Variants in TPTE2 observed in about 807,000 individuals in gnomAD.
The protein encoded by TPTE2 is transmembrane phosphoinositide 3-phosphatase and tensin homolog 2, also known as phosphatidylinositol 3,4,5-trisphosphate 3-phosphatase TPTE2.
Under a neutral mutation model 78.6 loss-of-function variants are expected in TPTE2, and 53 were observed. That is an observed-to-expected ratio of 0.67 (90% CI 0.54 to 0.85). The LOEUF is 0.85. Among genes scored for constraint, TPTE2 ranks in the 40% least tolerant of loss-of-function variants. The pLI is 0.00. For missense variants in TPTE2, 461 were observed against 623.0 expected, an observed-to-expected ratio of 0.74 and a Z score of 2.77; for synonymous variants, 175 against 206.2, an observed-to-expected ratio of 0.85 and a Z score of 1.30.
At chr13:19,532,679 A>T (rs1223627836) in intron 1 of TPTE2, among the ~76,000 whole-genome samples, 1 of 152,228 alleles carries the variant, frequency 6.6e-6, no homozygotes, top group Non-Finnish European at 1.5e-5. Context: ...TGTAGCAATG[A>T]ATCTGTAGCC....
In TPTE2 at chr13:19,464,603, C is replaced by T. The variant is rs1879147460; in HGVS notation, c.677-83G>A. 14 of 1,459,264 alleles carry T rather than the reference C, an allele frequency of 9.6e-6. No individual in the cohort carries two copies. In the South Asian group the frequency reaches 1.6e-4, roughly 16 times the overall value. 90.4% of individuals were successfully genotyped at this position (1,459,264 alleles called of 1,614,324 possible). On this transcript the variant is annotated intron_variant, in intron 9 of 19. Transcript: ENST00000400230. ...AAAAATTAATTTATACATGATCAGA[C>T]TCCATTTTCACAGAAAAAAAACTTT...
chr13:19,466,209 A>C (rs1340973458), intron 7 of TPTE2, among the ~76,000 whole-genome samples: 4 of 152,188 alleles, frequency 2.6e-5, no homozygotes, highest in African/African-American at 7.2e-5. Flanking sequence ...AAGCTTGTTA[A>C]GCTGCAGATT....
At chr13:19,452,118 T>C (rs1471032074) in intron 10 of TPTE2, among the ~76,000 whole-genome samples, 1 of 151,936 alleles carries the variant, frequency 6.6e-6, no homozygotes, top group Non-Finnish European at 1.5e-5. Flanking sequence ...TAGGAGGAAA[T>C]AATAAGTCAA....
rs770225596 is a variant in TPTE2 at position 19,467,304 on chromosome 13, T to C, written c.433A>G (p.Thr145Ala). ...AGCAGAGGAATCACAATAATGGCAG[T>C]ATCTAAAATGTTAAATAAGTCAGAA... Residue 145 changes from threonine to alanine, a missense_variant, in exon 7 of 20, where the codon ACT becomes GCT. Transcript: ENST00000400230. 2.5e-6 allele frequency: 4 copies of C among 1,582,456 alleles called. No homozygotes were observed. The South Asian group carries it at 4.7e-5, about 19-fold the overall frequency.
At chr13:19,551,105 G>C in the TPTE2 span, among the ~76,000 whole-genome samples, 4 of 152,134 alleles carry the variant, frequency 2.6e-5, no homozygotes, top group Non-Finnish European at 4.4e-5. Context: ...TAAGGCCCAG[G>C]TGCTTAAATA....
intron 13 of TPTE2, among the ~76,000 whole-genome samples, chr13:19,444,646 A>G (rs930583695): frequency 3.9e-5 from 6 of 152,146 alleles, no homozygotes; most frequent in Admixed American, 3.3e-4. Context: ...TATAAATTCA[A>G]TGCAATTCCA....
the TPTE2 span, among the ~76,000 whole-genome samples, chr13:19,559,407 GT>G: frequency 6.6e-6 from 1 of 152,108 alleles, no homozygotes; most frequent in Non-Finnish European, 1.5e-5. Context: ...AATAAATATA[GT>G]GTTATTGTTC....
intron 6 of TPTE2, among the ~76,000 whole-genome samples, chr13:19,469,956 T>C (rs2137578695): frequency 6.6e-6 from 1 of 152,344 alleles, no homozygotes; most frequent in East Asian, 1.9e-4. Context: ...AAATGTATCA[T>C]CTGCAAACAC....
At chr13:19,523,034 G>A (rs954277312) in intron 1 of TPTE2, among the ~76,000 whole-genome samples, 1 of 152,126 alleles carries the variant, frequency 6.6e-6, no homozygotes, top group African/African-American at 2.4e-5. Context: ...TATGAACAAA[G>A]GCTGGGGGAG....
In TPTE2 at chr13:19,523,138, G is replaced by T. The variant is rs1359429327; in HGVS notation, c.-44+13458C>A. Among the ~76,000 whole-genome samples, 6 of 152,234 alleles carry T rather than the reference G, an allele frequency of 3.9e-5. No homozygotes were observed. In the East Asian group the frequency reaches 1.2e-3, roughly 29 times the overall value. ...GTAATGACGTTTCTCTGGGAATAAG[G>T]CTTTGAATGAGTCCCAACCCCATTT... On this transcript the variant is annotated intron_variant, in intron 1 of 17. Coordinates refer to the TPTE2 transcript ENST00000390680.
intron 16 of TPTE2, among the ~76,000 whole-genome samples, chr13:19,431,568 C>T (rs1876606102): frequency 6.6e-6 from 1 of 152,224 alleles, no homozygotes; most frequent in African/African-American, 2.4e-5. Flanking sequence ...TTGTTCATCT[C>T]ATATGCTGTT....
intron 3 of TPTE2, among the ~76,000 whole-genome samples, chr13:19,490,696 A>G (rs1468660392): frequency 2.6e-5 from 4 of 152,162 alleles, no homozygotes; most frequent in African/African-American, 9.7e-5. Context: ...GTAACTACAG[A>G]CCCAAGGCAG....
exon 8 of TPTE2, chr13:19,465,492 T>A: frequency 1.2e-6 from 2 of 1,610,288 alleles, no homozygotes; most frequent in East Asian, 4.5e-5. Flanking sequence ...TTTCAAGTTG[T>A]CTTTTTTGAT....
intron 17 of TPTE2, among the ~76,000 whole-genome samples, chr13:19,428,509 GT>G (rs1461811582): frequency 6.6e-6 from 1 of 151,946 alleles, no homozygotes. Flanking sequence ...ATGTCGGGCA[GT>G]GTGGTTCATG....
At chr13:19,473,503 G>C (rs866311924) in intron 6 of TPTE2, among the ~76,000 whole-genome samples, 5 of 152,042 alleles carry the variant, frequency 3.3e-5, no homozygotes, top group African/African-American at 1.2e-4. Context: ...ACAGGCCATG[G>C]GGGGTACTGC....
chr13:19,457,896 A>T (rs1878642808), intron 10 of TPTE2, among the ~76,000 whole-genome samples: 1 of 152,224 alleles, frequency 6.6e-6, no homozygotes, highest in Admixed American at 6.5e-5. Context: ...TTAAGGCCAA[A>T]AATACAAAGA....
At chr13:19,504,187 T>C (rs1360404398), upstream of TPTE2, among the ~76,000 whole-genome samples, 6 of 152,152 alleles carry the variant, frequency 3.9e-5, no homozygotes, top group Non-Finnish European at 8.8e-5. Flanking sequence ...CACTTTCTGG[T>C]TTGAATTACT....
At chr13:19,440,400 T>G (rs1432221493) in intron 13 of TPTE2, among the ~76,000 whole-genome samples, 1 of 145,092 alleles carries the variant, frequency 6.9e-6, no homozygotes, top group Non-Finnish European at 1.5e-5. Context: ...AAAAAAAAGC[T>G]TTTGATAAAA....
chr13:19,459,014 C>T (rs573611446), intron 10 of TPTE2, among the ~76,000 whole-genome samples: 3 of 152,040 alleles, frequency 2.0e-5, no homozygotes, highest in Admixed American at 1.3e-4. Context: ...CCACATGGGT[C>T]GAACTAATTT....
Sources: allele counts gnomAD v4.1 joint callset (sites outside exome capture counted in the v4.1 genomes callset), GRCh38; gene constraint gnomAD v4.1.1; transcripts MANE v1.5; gene names NCBI Gene and HGNC (gene_info 2026-07-23, HGNC 2026-07-21).